Variants in ERBIN observed in about 807,000 individuals in gnomAD.
The protein encoded by ERBIN is erbb2 interacting protein.
ERBIN carries 60 observed loss-of-function variants against 158.4 expected under a neutral mutation model. The observed-to-expected ratio is 0.38, with a 90% confidence interval of 0.31 to 0.47. The LOEUF is 0.47. Among genes scored for constraint, ERBIN ranks in the 20% least tolerant of loss-of-function variants. The pLI, the probability that ERBIN is intolerant of heterozygous loss-of-function variation, is 0.99. For synonymous variants in ERBIN, 594 were observed against 557.2 expected, an observed-to-expected ratio of 1.07 and a Z score of -0.93; for missense variants, 1,610 against 1,648.0, an observed-to-expected ratio of 0.98 and a Z score of 0.40.
At chr5:65,996,226 A>ATT (rs145234347) in intron 4 of ERBIN, among the ~76,000 whole-genome samples, 18 of 91,074 alleles carry the variant, frequency 2.0e-4, no homozygotes, top group South Asian at 9.3e-4. Context: ...CTTTTCTCCT[A>ATT]TTTTTTTTTT....
chr5:65,999,352 C>T (rs970731148), intron 4 of ERBIN, among the ~76,000 whole-genome samples: 12 of 152,146 alleles, frequency 7.9e-5, no homozygotes, highest in Admixed American at 6.5e-5. Flanking sequence ...AAGAATGAGA[C>T]TCCATCTCAA....
chr5:66,039,532 T>G (rs1757738662), intron 15 of ERBIN, among the ~76,000 whole-genome samples: 1 of 151,994 alleles, frequency 6.6e-6, no homozygotes, highest in Non-Finnish European at 1.5e-5. Context: ...AACAAAAAAC[T>G]TAGCTATTGA....
chr5:65,985,817 T>G (rs1476076441), intron 1 of ERBIN, among the ~76,000 whole-genome samples: 1 of 152,206 alleles, frequency 6.6e-6, no homozygotes, highest in African/African-American at 2.4e-5. Flanking sequence ...AAATAGTGTT[T>G]TGCCCCACCA....
intron 1 of ERBIN, among the ~76,000 whole-genome samples, chr5:65,932,000 T>G (rs1380650244): frequency 6.6e-6 from 1 of 151,958 alleles, no homozygotes; most frequent in Non-Finnish European, 1.5e-5. Flanking sequence ...GTATTTTTTG[T>G]AGAGACAGGG....
intron 19 of ERBIN, among the ~76,000 whole-genome samples, chr5:66,050,262 T>C (rs1758890721): frequency 5.0e-5 from 1 of 20,086 alleles, no homozygotes; most frequent in Admixed American, 2.9e-4. Context: ...TTTTTTTTTT[T>C]GAGACGGAGT....
chr5:66,023,417 G>A, intron 9 of ERBIN, 53 bp downstream of exon 9: 1 of 1,182,402 alleles, frequency 8.5e-7, no homozygotes, highest in Admixed American at 1.9e-5. Context: ...CTCCTTTGCA[G>A]TTTTGTGAAT....
intron 13 of ERBIN, 39 bp downstream of exon 13, chr5:66,026,456 C>A: frequency 8.7e-7 from 1 of 1,150,760 alleles, no homozygotes; most frequent in Non-Finnish European, 1.2e-6. Flanking sequence ...TTATAGGAGA[C>A]ATTGGTTAGA....
chr5:66,024,013 C>T (rs28553969), intron 9 of ERBIN, among the ~76,000 whole-genome samples: 2,633 of 152,074 alleles, frequency 0.017, 80 homozygotes, highest in African/African-American at 0.061. Context: ...ATTGTTTACT[C>T]CCATAAAAAA....
intron 4 of ERBIN, among the ~76,000 whole-genome samples, chr5:66,006,994 G>A (rs1753672232): frequency 2.1e-5 from 1 of 48,754 alleles, no homozygotes; most frequent in Non-Finnish European, 5.8e-5. Context: ...ATTCCTTAGG[G>A]ATCTAGAATA....
In ERBIN at chr5:65,967,036, C is replaced by T. The variant is rs371042154; in HGVS notation, c.-57-21599C>T. ...CTGGTAGTCCCAACTACTTAGGAGGCTGAGGTGGGAGGATCCCTTGAGCCC... is the reference window on the plus strand; with the variant it reads ...CTGGTAGTCCCAACTACTTAGGAGGTTGAGGTGGGAGGATCCCTTGAGCCC... On this transcript the variant is annotated intron_variant, in intron 1 of 25. Coordinates refer to ENST00000284037, the MANE Select transcript of ERBIN (RefSeq NM_001253697.2). Among the ~76,000 whole-genome samples, 40 of 152,128 alleles carry T rather than the reference C, an allele frequency of 2.6e-4. 1 individual carries two copies. The East Asian group carries it at 4.4e-3, about 17-fold the overall frequency.
At chr5:66,029,535 A>G (rs962182137) in intron 14 of ERBIN, among the ~76,000 whole-genome samples, 1 of 151,956 alleles carries the variant, frequency 6.6e-6, no homozygotes, top group African/African-American at 2.4e-5. Flanking sequence ...ATAGTTTTTA[A>G]CTGGGTACCC....
intron 1 of ERBIN, among the ~76,000 whole-genome samples, chr5:65,936,366 G>A (rs1038258973): frequency 5.3e-5 from 8 of 152,178 alleles, no homozygotes; most frequent in African/African-American, 1.9e-4. Context: ...GAAAAGATAA[G>A]GATCTTGGCA....
intron 1 of ERBIN, among the ~76,000 whole-genome samples, chr5:65,935,336 A>G (rs115713524): frequency 0.011 from 1,704 of 152,226 alleles, 27 homozygotes; most frequent in African/African-American, 0.038. Context: ...CAGCACCACC[A>G]GGTTCACTCT....
At chr5:65,986,459 A>G (rs999591227) in intron 1 of ERBIN, among the ~76,000 whole-genome samples, 1 of 152,154 alleles carries the variant, frequency 6.6e-6, no homozygotes, top group Non-Finnish European at 1.5e-5. Context: ...CATGCAGTAT[A>G]TGTAGAATTC....
intron 25 of ERBIN, among the ~76,000 whole-genome samples, chr5:66,077,598 A>G (rs1005485974): frequency 1.3e-5 from 2 of 151,936 alleles, no homozygotes; most frequent in African/African-American, 4.9e-5. Context: ...AAACTAATTA[A>G]AAAAAATTTT....
intron 1 of ERBIN, among the ~76,000 whole-genome samples, chr5:65,986,481 TA>T (rs1408525644): frequency 6.6e-6 from 1 of 152,200 alleles, no homozygotes; most frequent in Admixed American, 6.5e-5. Context: ...TAGAGAACGT[TA>T]AACACACACG....
At chr5:66,056,180 A>T (rs1343726505) in intron 21 of ERBIN, among the ~76,000 whole-genome samples, 1 of 152,204 alleles carries the variant, frequency 6.6e-6, no homozygotes, top group Non-Finnish European at 1.5e-5. Flanking sequence ...TAATCTAGAT[A>T]AGAAATGAAA....
intron 4 of ERBIN, among the ~76,000 whole-genome samples, chr5:66,008,979 A>G (rs960223246): frequency 6.6e-6 from 1 of 152,236 alleles, no homozygotes; most frequent in Non-Finnish European, 1.5e-5. Flanking sequence ...GAGAAATGCA[A>G]ACATTTCCAC....
At chr5:65,939,599 C>T (rs556959487) in intron 1 of ERBIN, among the ~76,000 whole-genome samples, 3 of 152,136 alleles carry the variant, frequency 2.0e-5, no homozygotes, top group East Asian at 3.9e-4. Context: ...GATGCCGAGC[C>T]GAAGCTGGAC....
Sources: allele counts gnomAD v4.1 joint callset (sites outside exome capture counted in the v4.1 genomes callset), GRCh38; gene constraint gnomAD v4.1.1; transcripts MANE v1.5; gene names NCBI Gene and HGNC (gene_info 2026-07-23, HGNC 2026-07-21).